GALNT7: variants seen among roughly 807,000 people sequenced by gnomAD.
GALNT7 encodes the protein polypeptide N-acetylgalactosaminyltransferase 7.
Under a neutral mutation model 82.1 loss-of-function variants are expected in GALNT7, and 60 were observed. That is an observed-to-expected ratio of 0.73 (90% CI 0.59 to 0.91). The LOEUF is 0.91. GALNT7 is among the 40% of genes least tolerant of loss of function. The probability of loss-of-function intolerance (pLI) is 0.00; values close to 1 mark genes in which losing one functional copy is unlikely to be tolerated. For synonymous variants in GALNT7, 243 were observed against 275.1 expected, an observed-to-expected ratio of 0.88 and a Z score of 1.15; for missense variants, 660 against 804.2, an observed-to-expected ratio of 0.82 and a Z score of 2.17.
intron 2 of GALNT7, among the ~76,000 whole-genome samples, chr4:173,257,884 G>A (rs72999528): frequency 6.6e-6 from 1 of 152,172 alleles, no homozygotes; most frequent in East Asian, 1.9e-4. Flanking sequence ...TTAAAGGAAA[G>A]TGTTGTAGTC....
chr4:173,265,723 A>G (rs1004356494), intron 2 of GALNT7, among the ~76,000 whole-genome samples: 3 of 139,150 alleles, frequency 2.2e-5, no homozygotes, highest in African/African-American at 8.0e-5. Context: ...CTGAAGCAAT[A>G]TGGGATTGTC....
At position 173,313,953 on chromosome 4, in the gene GALNT7, TACAGAA is replaced by T; in HGVS notation, c.1390-4_1391del. 1 of 1,348,048 alleles carries T rather than the reference TACAGAA, an allele frequency of 7.4e-7. No individual in the cohort carries two copies. Among genetic ancestry groups the T allele is most frequent in the Non-Finnish European group, 1.0e-6 (1 of 962,874 alleles). 83.5% of individuals were successfully genotyped at this position (1,348,048 alleles called of 1,614,324 possible). Reference sequence around the variant, plus strand: ...GATATATATATATATATTTTTTTTTTACAGAATTATGTTAGAGTTGTGGAGGTTTGG... The same window carrying T: ...GATATATATATATATATTTTTTTTTTTTATGTTAGAGTTGTGGAGGTTTGG... On this transcript the variant is annotated splice_acceptor_variant and splice_polypyrimidine_tract_variant and coding_sequence_variant and intron_variant, in exon 9 of 12. Transcript: ENST00000265000. LOFTEE classifies it high-confidence loss of function.
chr4:173,293,958 T>G (rs147277576), intron 3 of GALNT7, among the ~76,000 whole-genome samples: 2 of 152,332 alleles, frequency 1.3e-5, no homozygotes, highest in Admixed American at 6.5e-5. Flanking sequence ...AAGTCACACA[T>G]GTCCTAGCCT....
intron 8 of GALNT7, among the ~76,000 whole-genome samples, chr4:173,308,358 T>A (rs1042111817): frequency 4.6e-5 from 7 of 152,222 alleles, no homozygotes; most frequent in Non-Finnish European, 1.0e-4. Context: ...CAAAAAAGTC[T>A]GACACTGTGT....
chr4:173,319,841 G>T (rs553787042), intron 11 of GALNT7, among the ~76,000 whole-genome samples: 1 of 152,212 alleles, frequency 6.6e-6, no homozygotes, highest in Admixed American at 6.5e-5. Flanking sequence ...AAATGCCATA[G>T]GACAGAAAAG....
At chr4:173,239,935 C>G (rs1734365964) in intron 1 of GALNT7, among the ~76,000 whole-genome samples, 1 of 152,086 alleles carries the variant, frequency 6.6e-6, no homozygotes, top group Non-Finnish European at 1.5e-5. Flanking sequence ...GTACTATATA[C>G]TTCTGAGTAA....
chr4:173,318,687 T>G (rs1737692308), intron 11 of GALNT7, 128 bp downstream of exon 11: 1 of 623,628 alleles, frequency 1.6e-6, no homozygotes, highest in African/African-American at 1.9e-5. Context: ...TCTCATTTAG[T>G]CCCTTGCATA....
chr4:173,248,360 C>G lies in GALNT7; in HGVS notation c.507C>G (p.Ser169Arg). 2 of 1,613,764 alleles carry G rather than the reference C, an allele frequency of 1.2e-6. No homozygotes were observed. The highest frequency in any genetic ancestry group is 1.7e-6 in the Non-Finnish European group (2 of 1,179,746). ...AATTCAAACAAGCAATTCAAGCCAG[C>G]ATTAAAGAGTTTGGATTTAACATGG... ...GPEFKQAIQA[S>R]IKEFGFNMVA... The change falls in exon 2 of 12, where the codon AGC (serine) becomes AGG (arginine). Residue 169 changes from serine to arginine, a missense_variant. Ser to Arg is a moderately radical substitution (Grantham distance 110). Around this residue, in one of 2 missense-constraint regions of GALNT7, gnomAD observed 527 missense variants for 683.5 expected, o/e 0.77. Coordinates refer to ENST00000265000, the MANE Select transcript of GALNT7 (RefSeq NM_017423.3).
At chr4:173,198,241 T>TTG (rs35652507) in intron 1 of GALNT7, among the ~76,000 whole-genome samples, 2 of 150,424 alleles carry the variant, frequency 1.3e-5, no homozygotes. Flanking sequence ...TTTTTTTTTT[T>TTG]GTATTTTTAG....
intron 5 of GALNT7, chr4:173,297,774 C>T (rs1368148029): frequency 7.7e-7 from 1 of 1,290,508 alleles, no homozygotes; most frequent in Non-Finnish European, 1.0e-6. Flanking sequence ...AATGCTTTTT[C>T]ATTTTCTGTA....
intron 2 of GALNT7, among the ~76,000 whole-genome samples, chr4:173,255,715 A>G (rs1215007092): frequency 1.3e-5 from 2 of 152,176 alleles, no homozygotes; most frequent in African/African-American, 4.8e-5. Flanking sequence ...TGTTTGAGCT[A>G]ACAGTCTTTT....
chr4:173,236,247 G>A (rs774207179), intron 1 of GALNT7, among the ~76,000 whole-genome samples: 20 of 152,108 alleles, frequency 1.3e-4, no homozygotes, highest in Non-Finnish European at 2.2e-4. Context: ...GAGAGCTGGC[G>A]AGCGAGCCCC....
At chr4:173,204,804 T>G (rs746238049) in intron 1 of GALNT7, among the ~76,000 whole-genome samples, 4 of 152,330 alleles carry the variant, frequency 2.6e-5, no homozygotes, top group Non-Finnish European at 5.9e-5. Context: ...ATATCTCCAT[T>G]TTGGCAGGGG....
At chr4:173,232,458 C>T (rs1470578399) in intron 1 of GALNT7, among the ~76,000 whole-genome samples, 10 of 151,142 alleles carry the variant, frequency 6.6e-5, no homozygotes, top group Non-Finnish European at 1.5e-4. Flanking sequence ...TTAGAGACAG[C>T]GTCTTGCTCT....
intron 2 of GALNT7, among the ~76,000 whole-genome samples, chr4:173,271,631 A>T (rs2126789558): frequency 6.6e-6 from 1 of 151,578 alleles, no homozygotes; most frequent in African/African-American, 2.4e-5. Context: ...TAATTTTTGT[A>T]TTTTTCGTAT....
chr4:173,183,859 G>A (rs1476081279), intron 1 of GALNT7, among the ~76,000 whole-genome samples: 20 of 150,428 alleles, frequency 1.3e-4, no homozygotes. Context: ...GCTGCCGGGC[G>A]GAGACGCTCA....
chr4:173,181,990 A>G (rs990604798), intron 1 of GALNT7, among the ~76,000 whole-genome samples: 1 of 152,228 alleles, frequency 6.6e-6, no homozygotes, highest in Admixed American at 6.5e-5. Context: ...CACAGTGGTA[A>G]AATCATGTTT....
intron 1 of GALNT7, among the ~76,000 whole-genome samples, chr4:173,170,568 A>G (rs1731828116): frequency 6.6e-6 from 1 of 152,220 alleles, no homozygotes; most frequent in Non-Finnish European, 1.5e-5. Context: ...AATAAAAAGT[A>G]TCAGTTTTCC....
At chr4:173,283,565 G>A (rs1007188846) in intron 2 of GALNT7, among the ~76,000 whole-genome samples, 5 of 151,844 alleles carry the variant, frequency 3.3e-5, no homozygotes, top group Non-Finnish European at 7.4e-5. Flanking sequence ...CCTTGAGCCT[G>A]GGAGGTGGAG....
Sources: allele counts gnomAD v4.1 joint callset (sites outside exome capture counted in the v4.1 genomes callset), GRCh38; gene constraint gnomAD v4.1.1; regional missense constraint gnomAD v4.1.1; transcripts MANE v1.5; gene names NCBI Gene and HGNC (gene_info 2026-07-23, HGNC 2026-07-21).